Variants in ARNT2 observed in about 807,000 individuals in gnomAD.
ARNT2 encodes ARNT protein 2.
ARNT2 carries 36 observed loss-of-function variants against 91.7 expected under a neutral mutation model. The observed-to-expected ratio is 0.39, with a 90% CI of 0.30 to 0.52. The LOEUF is 0.52. ARNT2 is among the 20% of genes least tolerant of loss of function. ARNT2 has a pLI of 0.72. For synonymous variants in ARNT2, 365 were observed against 347.1 expected, an observed-to-expected ratio of 1.05 and a Z score of -0.57; for missense variants, 775 against 939.3, an observed-to-expected ratio of 0.83 and a Z score of 2.29.
At chr15:80,501,682 G>C (rs370617974) in intron 5 of ARNT2, among the ~76,000 whole-genome samples, 5 of 152,208 alleles carry the variant, frequency 3.3e-5, no homozygotes, top group African/African-American at 1.2e-4. Flanking sequence ...GCGGCTCTCT[G>C]TGCCGGGAGC....
At chr15:80,498,566 A>G (rs2141416651) in intron 5 of ARNT2, among the ~76,000 whole-genome samples, 1 of 152,324 alleles carries the variant, frequency 6.6e-6, no homozygotes, top group East Asian at 1.9e-4. Context: ...CGTGCCTGCC[A>G]TTAGGGGACC....
intron 8 of ARNT2, among the ~76,000 whole-genome samples, chr15:80,532,305 C>T (rs1897753040): frequency 6.6e-6 from 1 of 152,076 alleles, no homozygotes; most frequent in African/African-American, 2.4e-5. Context: ...AGCTGCACTG[C>T]CCCCAGTCTT....
chr15:80,564,060 A>G (rs1373826048), intron 12 of ARNT2, among the ~76,000 whole-genome samples: 1 of 152,186 alleles, frequency 6.6e-6, no homozygotes, highest in Non-Finnish European at 1.5e-5. Context: ...AAGCAAACGC[A>G]AGCATGTGGA....
At chr15:80,431,536 G>T (rs1224334263) in intron 1 of ARNT2, among the ~76,000 whole-genome samples, 1 of 152,162 alleles carries the variant, frequency 6.6e-6, no homozygotes, top group South Asian at 2.1e-4. Context: ...TCCAAGTCCC[G>T]AAGCCATTCC....
chr15:80,427,051 G>A (rs998614101), intron 1 of ARNT2, among the ~76,000 whole-genome samples: 4 of 152,182 alleles, frequency 2.6e-5, no homozygotes. Flanking sequence ...CACATTGGGG[G>A]TTAGGACTTC....
chr15:80,586,840 C>CA (rs10679933), intron 17 of ARNT2, among the ~76,000 whole-genome samples: 21,116 of 112,830 alleles, frequency 0.19, 4,295 homozygotes, highest in African/African-American at 0.49. Context: ...GACTCCATTT[C>CA]AAAAAAAAAA....
chr15:80,575,113 A>G lies in ARNT2; in HGVS notation c.1513+3A>G. 5 of 1,614,030 alleles carry G rather than the reference A, an allele frequency of 3.1e-6. No homozygotes were observed. Among genetic ancestry groups the G allele is most frequent in the Non-Finnish European group, 4.2e-6 (5 of 1,179,908 alleles). ...AATGTTTGCAGGAATTAGTGCATGT[A>G]AGTTTCCAAATGGTACTGAGGTTTT... On this transcript the variant is annotated splice_donor_region_variant and intron_variant, in intron 14 of 18. Coordinates refer to ENST00000303329, the MANE Select transcript of ARNT2 (RefSeq NM_014862.4).
intron 1 of ARNT2, among the ~76,000 whole-genome samples, chr15:80,424,284 G>A (rs1046797042): frequency 2.0e-5 from 3 of 152,232 alleles, no homozygotes; most frequent in Non-Finnish European, 2.9e-5. Flanking sequence ...AGGGAGACGA[G>A]GACAGGACAG....
intron 8 of ARNT2, among the ~76,000 whole-genome samples, chr15:80,528,741 C>T (rs902204471): frequency 2.0e-5 from 3 of 152,176 alleles, no homozygotes; most frequent in Non-Finnish European, 4.4e-5. Context: ...CACATGGTGG[C>T]TCCCCTTCAC....
At chr15:80,497,488 G>T (rs955274340) in intron 5 of ARNT2, among the ~76,000 whole-genome samples, 1 of 152,254 alleles carries the variant, frequency 6.6e-6, no homozygotes, top group African/African-American at 2.4e-5. Context: ...TGATCTCAGA[G>T]GTGGATTCTT....
intron 1 of ARNT2, among the ~76,000 whole-genome samples, chr15:80,426,864 G>A (rs566906438): frequency 6.7e-4 from 102 of 152,228 alleles, no homozygotes; most frequent in African/African-American, 2.3e-3. Context: ...TCCTGGTTAG[G>A]GCTCTCTTCC....
intron 7 of ARNT2, 58 bp from the exon 8 acceptor site, chr15:80,514,262 C>CA: frequency 6.4e-7 from 1 of 1,574,628 alleles, no homozygotes; most frequent in Admixed American, 1.7e-5. Context: ...GAGGAGTCAT[C>CA]AACATCCTTG....
intron 8 of ARNT2, among the ~76,000 whole-genome samples, chr15:80,532,864 A>G (rs1897760162): frequency 6.6e-6 from 1 of 152,188 alleles, no homozygotes; most frequent in Non-Finnish European, 1.5e-5. Flanking sequence ...AGGTTTTTTG[A>G]AAAGGGACTC....
chr15:80,508,486 C>T (rs1897302694), intron 6 of ARNT2, among the ~76,000 whole-genome samples: 1 of 152,178 alleles, frequency 6.6e-6, no homozygotes, highest in South Asian at 2.1e-4. Flanking sequence ...CCATTTTCTT[C>T]TCATTCCTAG....
At chr15:80,533,149 G>A (rs1446524479) in intron 8 of ARNT2, among the ~76,000 whole-genome samples, 1 of 152,246 alleles carries the variant, frequency 6.6e-6, no homozygotes, top group Non-Finnish European at 1.5e-5. Context: ...GGGCAGACCA[G>A]AGCACAGAGC....
intron 8 of ARNT2, among the ~76,000 whole-genome samples, chr15:80,524,732 G>A (rs548006273): frequency 1.8e-3 from 273 of 152,104 alleles, no homozygotes; most frequent in East Asian, 0.012. Flanking sequence ...AAAATTAGCT[G>A]GGCGTGGTGG....
chr15:80,408,743 C>T (rs1336039564), intron 1 of ARNT2, among the ~76,000 whole-genome samples: 1 of 152,020 alleles, frequency 6.6e-6, no homozygotes, highest in Admixed American at 6.6e-5. Flanking sequence ...TTGCAGGACA[C>T]ATCATTCTTT....
At chr15:80,414,493 A>G (rs939446994) in intron 1 of ARNT2, among the ~76,000 whole-genome samples, 9 of 152,244 alleles carry the variant, frequency 5.9e-5, no homozygotes, top group African/African-American at 2.4e-5. Flanking sequence ...AAAACATGTC[A>G]AGAAAATGTG....
chr15:80,564,146 C>T (rs1280700307), intron 12 of ARNT2, among the ~76,000 whole-genome samples: 1 of 152,214 alleles, frequency 6.6e-6, no homozygotes, highest in Non-Finnish European at 1.5e-5. Context: ...GAACTGTCCC[C>T]ATGTCTCACC....
Sources: gnomAD v4.1 joint callset for allele counts (sites outside exome capture counted in the v4.1 genomes callset) on GRCh38, gnomAD v4.1.1 for gene constraint, MANE v1.5 for transcripts, NCBI Gene and HGNC (gene_info 2026-07-23, HGNC 2026-07-21) for gene names.